The following CNBD1 variants were observed in gnomAD, a reference collection of about 807,000 sequenced individuals.
The protein encoded by CNBD1 is cyclic nucleotide binding domain containing 1, also known as cyclic nucleotide-binding domain-containing protein 1.
A neutral mutation model predicts 54.4 loss-of-function variants in CNBD1; 71 were observed. The observed-to-expected ratio is 1.30, with a 90% CI of 1.08 to 1.59. CNBD1 has a LOEUF of 1.59. Among genes scored for constraint, CNBD1 ranks in the 40% most tolerant of loss-of-function variants. The probability of loss-of-function intolerance (pLI) is 0.00; values close to 1 mark genes in which losing one functional copy is unlikely to be tolerated. For synonymous variants in CNBD1, 182 were observed against 170.7 expected (o/e 1.07, Z -0.51); for missense variants, 659 against 518.0 (o/e 1.27, Z -2.64).
At chr8:87,044,325 G>A (rs1413812837) in intron 4 of CNBD1, among the ~76,000 whole-genome samples, 2 of 151,998 alleles carry the variant, frequency 1.3e-5, no homozygotes, top group Admixed American at 6.6e-5. Flanking sequence ...CCTTGGATAA[G>A]TTAAATGGTT....
intron 4 of CNBD1, among the ~76,000 whole-genome samples, chr8:87,050,162 A>G (rs11784410): frequency 0.17 from 25,587 of 152,094 alleles, 2,586 homozygotes; most frequent in Non-Finnish European, 0.23. Flanking sequence ...GAGCAATTTC[A>G]CCATACCTGG....
At chr8:86,934,880 G>GATTATA (rs1809517433) in intron 3 of CNBD1, among the ~76,000 whole-genome samples, 2 of 152,148 alleles carry the variant, frequency 1.3e-5, no homozygotes, top group African/African-American at 4.8e-5. Flanking sequence ...TATAATCAGT[G>GATTATA]ACACTGGCTT....
intron 3 of CNBD1, among the ~76,000 whole-genome samples, chr8:86,911,156 G>T (rs1809094415): frequency 6.6e-6 from 1 of 152,204 alleles, no homozygotes; most frequent in Non-Finnish European, 1.5e-5. Context: ...CTGGTTTCCA[G>T]GTAGCCCTTT....
At chr8:87,301,382 A>C (rs13263432) in intron 8 of CNBD1, among the ~76,000 whole-genome samples, 1 of 151,864 alleles carries the variant, frequency 6.6e-6, no homozygotes, top group Non-Finnish European at 1.5e-5. Flanking sequence ...AACCAGGAAA[A>C]GACATAACCC....
intron 4 of CNBD1, among the ~76,000 whole-genome samples, chr8:86,944,072 C>T (rs1038455805): frequency 1.3e-5 from 2 of 152,092 alleles, no homozygotes; most frequent in African/African-American, 4.8e-5. Flanking sequence ...TGCCCTTTGA[C>T]AGGCAGTTTT....
At chr8:86,920,325 A>T (rs1181860366) in intron 3 of CNBD1, among the ~76,000 whole-genome samples, 1 of 152,212 alleles carries the variant, frequency 6.6e-6, no homozygotes, top group Non-Finnish European at 1.5e-5. Context: ...ACTAAATCAG[A>T]TAAGAAAAAG....
rs150238443 is a variant in CNBD1 at position 87,112,315 on chromosome 8, A to G, written c.432-93678A>G. On this transcript the variant is annotated intron_variant, in intron 4 of 10. Transcript: ENST00000518476. ...CCCTGTTTTTGCCAACCTTTCATCT[A>G]TCCAGTTCCCCTATCTAATAAGGCC... Among the ~76,000 whole-genome samples the G allele has an allele frequency of 3.2e-3, 494 of 152,232 alleles. 3 individuals carry two copies. The highest frequency in any genetic ancestry group is 0.011 in the African/African-American group (448 of 41,528).
At chr8:86,888,562 A>G (rs769421530) in intron 2 of CNBD1, among the ~76,000 whole-genome samples, 7 of 152,140 alleles carry the variant, frequency 4.6e-5, no homozygotes, top group Non-Finnish European at 1.0e-4. Flanking sequence ...AGATAACAGT[A>G]CTCACTTTAA....
At position 87,377,361 on chromosome 8, in the gene CNBD1, TCTC is replaced by T. The variant is rs760593863; in HGVS notation, c.1304-5256_1304-5254del. ...TATTCCCCTTCCTGTGTCCATGTGT[TCTC>T]CTTGTTCAATTCCCACCTATGAGTG... On this transcript the variant is annotated intron_variant, in intron 10 of 10. Coordinates refer to ENST00000518476, the MANE Select transcript of CNBD1 (RefSeq NM_173538.3). Among the ~76,000 whole-genome samples, 175 of 149,920 alleles carry T rather than the reference TCTC, an allele frequency of 1.2e-3. 2 individuals are homozygous for T. The highest frequency in any genetic ancestry group is 1.8e-3 in the Non-Finnish European group (122 of 67,610).
intron 8 of CNBD1, among the ~76,000 whole-genome samples, chr8:87,307,630 TG>T (rs1325191302): frequency 6.6e-6 from 1 of 151,642 alleles, no homozygotes; most frequent in African/African-American, 2.4e-5. Context: ...CCCAGCTACT[TG>T]GGAGGCTGAG....
rs1230119510 is a variant in CNBD1, at chr8:87,382,814, C to G, written c.*187C>G. ...AACACAGTTTTTATTAGCAGTCTTT[C>G]TTGGTTTGGATACTAAAATAAATAT... On this transcript the variant is annotated 3_prime_UTR_variant, in exon 11 of 11. Coordinates refer to ENST00000518476, the MANE Select transcript of CNBD1 (RefSeq NM_173538.3). 1.3e-5 allele frequency: 6 copies of G among 450,788 alleles called. No individual in the cohort carries two copies. The highest frequency in any genetic ancestry group is 2.0e-5 in the Non-Finnish European group (5 of 251,522). The allele number at this position is 450,788 out of a possible 1,614,324, so 27.9% of individuals were successfully genotyped here. A position where few individuals can be genotyped will look rare whatever the true frequency, so the allele number is the denominator to read the frequency against.
At chr8:87,308,272 C>T (rs1809197596) in intron 8 of CNBD1, among the ~76,000 whole-genome samples, 1 of 151,990 alleles carries the variant, frequency 6.6e-6, no homozygotes, top group Non-Finnish European at 1.5e-5. Context: ...CTTTTTGGAA[C>T]CCTGGACTAC....
At chr8:87,394,737 T>C (rs1384666857) in intron 2 of CNBD1, among the ~76,000 whole-genome samples, 1 of 151,982 alleles carries the variant, frequency 6.6e-6, no homozygotes, top group Non-Finnish European at 1.5e-5. Context: ...CTTTATTTTT[T>C]AACAAATTGT....
intron 4 of CNBD1, among the ~76,000 whole-genome samples, chr8:86,946,747 C>T (rs1055396812): frequency 2.0e-5 from 3 of 152,044 alleles, no homozygotes; most frequent in Admixed American, 6.6e-5. Context: ...AAGAATATTT[C>T]TTGTAACAAC....
intron 4 of CNBD1, among the ~76,000 whole-genome samples, chr8:87,056,054 A>C (rs1810411407): frequency 6.6e-6 from 1 of 152,074 alleles, no homozygotes; most frequent in South Asian, 2.1e-4. Context: ...AAAATCAACA[A>C]TCAATGTAGT....
chr8:87,241,637 A>G (rs1807711332), intron 6 of CNBD1, among the ~76,000 whole-genome samples: 2 of 152,182 alleles, frequency 1.3e-5, no homozygotes, highest in African/African-American at 2.4e-5. Context: ...TAACGCAGGA[A>G]AAATAATTAT....
At chr8:87,069,288 G>A (rs755583005) in intron 4 of CNBD1, among the ~76,000 whole-genome samples, 4 of 152,006 alleles carry the variant, frequency 2.6e-5, no homozygotes, top group Admixed American at 6.6e-5. Context: ...CAATGCCTAT[G>A]TCAAGCAGTG....
intron 8 of CNBD1, among the ~76,000 whole-genome samples, chr8:87,316,017 A>G (rs1809376848): frequency 6.6e-6 from 1 of 152,072 alleles, no homozygotes; most frequent in African/African-American, 2.4e-5. Context: ...TAAAAATCAT[A>G]AAATAGGTAA....
chr8:87,109,520 G>C (rs1025345023), intron 4 of CNBD1, among the ~76,000 whole-genome samples: 2 of 140,790 alleles, frequency 1.4e-5, no homozygotes, highest in Admixed American at 7.3e-5. Context: ...GTCAGGGTTT[G>C]TTTCTTTCTT....
Sources: allele counts gnomAD v4.1 joint callset (sites outside exome capture counted in the v4.1 genomes callset), GRCh38; gene constraint gnomAD v4.1.1; transcripts MANE v1.5; gene names NCBI Gene and HGNC (gene_info 2026-07-23, HGNC 2026-07-21).